WDR74: variants seen among roughly 807,000 people sequenced by gnomAD.
WDR74 encodes the protein WD repeat domain 74, also known as WD repeat-containing protein 74.
In WDR74, 31 loss-of-function variants were observed where a neutral mutation model predicts 45.6. That is an observed-to-expected ratio of 0.68 (90% CI 0.51 to 0.92). The LOEUF (loss-of-function observed/expected upper bound fraction) is 0.92. WDR74 is among the 40% of genes least tolerant of loss of function. The pLI is 0.00. For synonymous variants in WDR74, 191 were observed against 192.4 expected, an observed-to-expected ratio of 0.99 and a Z score of 0.06; for missense variants, 455 against 497.2, an observed-to-expected ratio of 0.92 and a Z score of 0.81.
In WDR74 at chr11:62,834,475, G is replaced by A; in HGVS notation, c.671C>T (p.Thr224Ile). 1 of 1,609,592 alleles carries A rather than the reference G, an allele frequency of 6.2e-7. No homozygotes were observed. The highest frequency in any genetic ancestry group is 8.5e-7 in the Non-Finnish European group (1 of 1,178,618). ...GGCTGTTAGTGGGTACTCTCCATAG[G>A]TGGTCTCTAGGACTGGCCGGCGCTG... is the stretch of plus-strand genomic sequence containing the variant. ...SPQRRPVLET[T>I]YGEYPLTAMT... The change falls in exon 7 of 11, where the codon ACC becomes ATC. Residue 224 changes from threonine to isoleucine, a missense_variant. Transcript: ENST00000278856.
intron 7 of WDR74, 26 bp from the exon 8 acceptor site, chr11:62,834,357 G>A: frequency 6.2e-7 from 1 of 1,613,574 alleles, no homozygotes; most frequent in African/African-American, 1.3e-5. Flanking sequence ...GAGGCAAGTG[G>A]GATCAGCAGT....
chr11:62,833,426 G>A (rs1319820205), intron 10 of WDR74, 192 bp downstream of exon 10: 4 of 724,300 alleles, frequency 5.5e-6, no homozygotes, highest in Non-Finnish European at 6.6e-6. Flanking sequence ...CTCCTAGAAA[G>A]CAACCCCATC....
chr11:62,834,305 C>T lies in WDR74; in HGVS notation c.746G>A (p.Gly249Glu). 5.0e-6 allele frequency: 8 copies of T among 1,613,922 alleles called. No homozygotes were observed. Among genetic ancestry groups the T allele is most frequent in the Non-Finnish European group, 6.8e-6 (8 of 1,179,892 alleles). Residue 249 changes from glycine to glutamate, a missense_variant, in exon 8 of 11, where the codon GGG becomes GAG. Gly to Glu is a moderately conservative substitution (Grantham distance 98). Transcript: ENST00000278856. ...CCGAAGGTCAATTTCTGCCAGCTGCCCATGAGTGTTTCCCACAATCACTGA... is the reference window on the plus strand; with the variant it reads ...CCGAAGGTCAATTTCTGCCAGCTGCTCATGAGTGTTTCCCACAATCACTGA... ...GNSVIVGNTH[G>E]QLAEIDLRQG...
Position 62,835,452 on chromosome 11 carries a change from G to A in WDR74, c.597C>T (p.Val199=). 1 of 1,614,002 alleles carries A rather than the reference G, an allele frequency of 6.2e-7. No homozygotes were observed. Among genetic ancestry groups the A allele is most frequent in the Non-Finnish European group, 8.5e-7 (1 of 1,179,878 alleles). ...IQFLPGSQKL[V]TCTGYHQVRV... is the part of the protein sequence containing the mutation. ...TTACCTGGTGGTACCCTGTGCAGGT[G>A]ACAAGCTTCTGTGATCCTGGGAGAA... Residue 199 remains valine, a synonymous_variant, in exon 6 of 11, where the codon GTC becomes GTT. Transcript: ENST00000278856.
At chr11:62,838,774 AC>A (rs370543527) in intron 3 of WDR74, among the ~76,000 whole-genome samples, 14 of 150,528 alleles carry the variant, frequency 9.3e-5, no homozygotes, top group African/African-American at 3.0e-4. Context: ...AAAAAAAAAA[AC>A]AAAAAACAAA....
chr11:62,834,890 A>G, intron 6 of WDR74: 1 of 288,928 alleles, frequency 3.5e-6, no homozygotes, highest in South Asian at 5.5e-5. Flanking sequence ...GGATGCCCTC[A>G]TATGTGTTTT....
intron 7 of WDR74, 36 bp downstream of exon 7, chr11:62,834,391 C>CCG: frequency 1.3e-5 from 9 of 699,758 alleles, no homozygotes; most frequent in East Asian, 4.7e-5. Flanking sequence ...CCTTCTCAAG[C>CCG]CCCACCCTCC....
chr11:62,836,754 C>A (rs1565222305), intron 3 of WDR74: 1 of 152,898 alleles, frequency 6.5e-6, no homozygotes, highest in Non-Finnish European at 1.5e-5. Flanking sequence ...GCTCCCAGTG[C>A]TGACTATGGT....
At chr11:62,841,661 T>A (rs932783842), upstream of WDR74, 3 of 152,240 alleles carry the variant, frequency 2.0e-5, no homozygotes, top group African/African-American at 4.8e-5. Flanking sequence ...ACCAGGTCGA[T>A]GCGTGGAGTG....
chr11:62,841,731 C>T (rs950336191), upstream of WDR74: 1 of 152,156 alleles, frequency 6.6e-6, no homozygotes, highest in Non-Finnish European at 1.5e-5. Flanking sequence ...ATATTGTCCT[C>T]GGATAGAGGA....
At chr11:62,840,966 C>CCT (rs757448981), upstream of WDR74, among the ~76,000 whole-genome samples, 5 of 152,082 alleles carry the variant, frequency 3.3e-5, no homozygotes, top group Non-Finnish European at 7.4e-5. Context: ...GGGCGGATCA[C>CCT]GAGCTCAGGA....
chr11:62,837,160 C>A (rs557759936), intron 3 of WDR74, among the ~76,000 whole-genome samples: 4 of 152,274 alleles, frequency 2.6e-5, no homozygotes, highest in African/African-American at 4.8e-5. Context: ...AAGCCCTTTA[C>A]ATTTAATCCC....
chr11:62,835,325 T>C, intron 6 of WDR74, 106 bp downstream of exon 6: 1 of 1,049,328 alleles, frequency 9.5e-7, no homozygotes, highest in East Asian at 2.5e-5. Flanking sequence ...CGCTTGCTCC[T>C]CTGAACTCAG....
chr11:62,840,997 A>T (rs1464575872), upstream of WDR74, among the ~76,000 whole-genome samples: 2 of 150,318 alleles, frequency 1.3e-5, no homozygotes, highest in Non-Finnish European at 1.5e-5. Context: ...ATCCTGGTTA[A>T]CACGTTGTGA....
At position 62,836,024 on chromosome 11, in the gene WDR74, T is replaced by G. The variant is rs2084954754; in HGVS notation, c.306A>C (p.Thr102=). 6.3e-7 allele frequency: 1 copy of G among 1,592,044 alleles called. No individual in the cohort carries two copies. Residue 102 remains threonine (T), a synonymous_variant, in exon 4 of 11, where the codon ACA becomes ACC. Coordinates refer to ENST00000278856, the MANE Select transcript of WDR74 (RefSeq NM_001369450.1). ...GLAQADGTLI[T]CVDSGILRVW... is the part of the protein sequence containing the mutation. Reference sequence around the variant, plus strand: ...CTCTGAGAATCCCAGAATCCACACATGTGATGAGGGTGCTGCAGAGAAAGG... The same window carrying G: ...CTCTGAGAATCCCAGAATCCACACAGGTGATGAGGGTGCTGCAGAGAAAGG...
chr11:62,834,636 C>T, intron 6 of WDR74, 109 bp from the exon 7 acceptor site: 1 of 936,714 alleles, frequency 1.1e-6, no homozygotes, highest in Non-Finnish European at 1.6e-6. Flanking sequence ...TTATGATCCA[C>T]TCCCAGAAAC....
intron 6 of WDR74, chr11:62,835,218 G>A: frequency 1.8e-6 from 1 of 566,624 alleles, no homozygotes. Context: ...CTCTCTTCCA[G>A]GTGGGAGGAA....
At chr11:62,840,506 G>C (rs1164811931), upstream of WDR74, 1 of 151,386 alleles carries the variant, frequency 6.6e-6, no homozygotes, top group Non-Finnish European at 1.5e-5. Flanking sequence ...ACAACTAAAA[G>C]TACTCTGTGC....
Position 62,835,755 on chromosome 11 carries a change from C to A in WDR74, c.456G>T (p.Glu152Asp). 1 of 1,613,972 alleles carries A rather than the reference C, an allele frequency of 6.2e-7. No individual in the cohort carries two copies. The highest frequency in any genetic ancestry group is 8.5e-7 in the Non-Finnish European group (1 of 1,179,870). The change falls in exon 5 of 11, where the codon GAG becomes GAT. Residue 152 changes from glutamate (E) to aspartate (D), a missense_variant. By Grantham distance (45) the Glu-to-Asp change is conservative (BLOSUM62 2). Transcript: ENST00000278856. ...HPHVVATGGK[E>D]NALKIWDLQG... is the part of the protein sequence containing the mutation. ...GCAGGTCCCATATCTTCAAAGCATT[C>A]TCTTTCCCACCTGTGGCAACCACAT...
Sources: gnomAD v4.1 joint callset for allele counts (sites outside exome capture counted in the v4.1 genomes callset) on GRCh38, gnomAD v4.1.1 for gene constraint, MANE v1.5 for transcripts, NCBI Gene and HGNC (gene_info 2026-07-23, HGNC 2026-07-21) for gene names.